Variants in CMPK2 observed in about 807,000 individuals in gnomAD.
The protein encoded by CMPK2 is UMP-CMP kinase 2, mitochondrial.
In CMPK2, 32 loss-of-function variants were observed where a neutral mutation model predicts 33.4. That is an observed-to-expected ratio of 0.96 (90% CI 0.72 to 1.29). CMPK2 has a LOEUF of 1.29. Among genes scored for constraint, CMPK2 ranks in the 50% most tolerant of loss-of-function variants. CMPK2 has a pLI of 0.00. For synonymous variants in CMPK2, 299 were observed against 275.3 expected, an observed-to-expected ratio of 1.09 and a Z score of -0.85; for missense variants, 672 against 616.0, an observed-to-expected ratio of 1.09 and a Z score of -0.96.
upstream of CMPK2, chr2:6,866,438 T>A: frequency 1.0e-6 from 1 of 985,496 alleles, no homozygotes; most frequent in Non-Finnish European, 1.2e-6. Context: ...GTGCACAAGC[T>A]TTTCCCTCTT....
chr2:6,850,124 A>G (rs1662471570), intron 4 of CMPK2, 151 bp from the exon 5 acceptor site: 2 of 597,898 alleles, frequency 3.3e-6, no homozygotes, highest in Non-Finnish European at 5.8e-6. Flanking sequence ...GAAGACGTTC[A>G]TGCATTTTGT....
rs1457287327 is a variant in CMPK2, at chr2:6,851,175, T to A, written c.1226+275A>T. ...TGGGGAAACTGAGGCACAGAGACAC[T>A]TACTGTCTTACCCAGGTGCAGCTGC... On this transcript the variant is annotated intron_variant, in intron 4 of 4. Transcript: ENST00000256722. The A allele has an allele frequency of 1.7e-5, 21 of 1,262,752 alleles. No individual in the cohort carries two copies. The Middle Eastern group carries it at 9.9e-4, about 60-fold the overall frequency. 78.2% of individuals were successfully genotyped at this position (1,262,752 alleles called of 1,614,324 possible).
chr2:6,855,468 C>T (rs1265926511), intron 3 of CMPK2, among the ~76,000 whole-genome samples: 1 of 152,092 alleles, frequency 6.6e-6, no homozygotes, highest in African/African-American at 2.4e-5. Context: ...AACTAAACCT[C>T]TTTTCTTTAT....
downstream of CMPK2, among the ~76,000 whole-genome samples, chr2:6,846,462 T>A (rs528934927): frequency 1.3e-5 from 2 of 152,360 alleles, no homozygotes; most frequent in African/African-American, 4.8e-5. Context: ...ACAACAACTC[T>A]TTGAATTACA....
intron 3 of CMPK2, among the ~76,000 whole-genome samples, chr2:6,851,938 T>C (rs1296327068): frequency 6.6e-6 from 1 of 152,240 alleles, no homozygotes; most frequent in Non-Finnish European, 1.5e-5. Flanking sequence ...TACCATTTAG[T>C]GTGGCCTCCC....
intron 3 of CMPK2, among the ~76,000 whole-genome samples, chr2:6,852,655 C>A: frequency 6.6e-6 from 1 of 152,132 alleles, no homozygotes; most frequent in East Asian, 1.9e-4. Flanking sequence ...TAGGTAATTT[C>A]TTGAGTGGGA....
intron 3 of CMPK2, chr2:6,840,777 T>C (rs1036095500): frequency 1.5e-6 from 1 of 671,180 alleles, no homozygotes; most frequent in African/African-American, 1.8e-5. Flanking sequence ...TTCTGATAAC[T>C]GTTTTAATTC....
At chr2:6,853,275 G>T (rs1219790007) in intron 3 of CMPK2, among the ~76,000 whole-genome samples, 2 of 152,046 alleles carry the variant, frequency 1.3e-5, no homozygotes, top group Non-Finnish European at 2.9e-5. Flanking sequence ...CTAAAATTTT[G>T]ATCATTTTAG....
chr2:6,848,796 T>A lies in CMPK2; in HGVS notation c.*1054A>T, dbSNP rs1449277647. 1 of 985,698 alleles carries A rather than the reference T, an allele frequency of 1.0e-6. No homozygotes were observed. Among genetic ancestry groups the A allele is most frequent in the African/African-American group, 1.7e-5 (1 of 57,256 alleles). 61.1% of individuals were successfully genotyped at this position (985,698 alleles called of 1,614,324 possible). ...TATAATTTCCCCCTCACTCAGCTAC[T>A]TTTTTCTGTCTAAAGATATGTCAAA... On this transcript the variant is annotated 3_prime_UTR_variant, in exon 5 of 5. Coordinates refer to ENST00000256722, the MANE Select transcript of CMPK2 (RefSeq NM_207315.4).
intron 3 of CMPK2, among the ~76,000 whole-genome samples, chr2:6,857,837 G>A (rs1417256252): frequency 5.3e-5 from 8 of 151,710 alleles, no homozygotes; most frequent in Non-Finnish European, 7.4e-5. Flanking sequence ...GGGTTTCACC[G>A]TGTTAGCCAG....
At position 6,865,598 on chromosome 2, in the gene CMPK2, G is replaced by T. The variant is rs1663053907; in HGVS notation, c.99C>A (p.Phe33Leu). The T allele has an allele frequency of 1.4e-6, 2 of 1,394,102 alleles. No homozygotes were observed. The highest frequency in any genetic ancestry group is 1.5e-5 in the South Asian group (1 of 66,070). The allele number at this position is 1,394,102 out of a possible 1,614,324, so 86.4% of individuals were successfully genotyped here. ...GGGTGCAGTCGGGAAGCTCCAGGAC[G>T]AAGCGGCGCGGCGGAGCCATGGCCC... Reference protein sequence around the residue: ...CAGAMAPPRRFVLELPDCTLA... With the variant: ...CAGAMAPPRRLVLELPDCTLA... The change falls in exon 1 of 5, where the codon TTC (phenylalanine) becomes TTA (leucine). Residue 33 changes from phenylalanine (F) to leucine (L), a missense_variant. Phe to Leu is a conservative substitution (Grantham distance 22). Coordinates refer to ENST00000256722, the MANE Select transcript of CMPK2 (RefSeq NM_207315.4).
At chr2:6,851,117 G>A (rs1033194720) in intron 4 of CMPK2, 11 of 1,136,680 alleles carry the variant, frequency 9.7e-6, no homozygotes, top group South Asian at 2.2e-5. Context: ...CTATGAGCTC[G>A]TTATCTAGTG....
In CMPK2 at chr2:6,849,685, A is replaced by C. The variant is rs746862014; in HGVS notation, c.*165T>G. The C allele has an allele frequency of 5.4e-6, 8 of 1,479,374 alleles. No homozygotes were observed. Among genetic ancestry groups the C allele is most frequent in the Non-Finnish European group, 7.1e-6 (8 of 1,126,244 alleles). 91.6% of individuals were successfully genotyped at this position (1,479,374 alleles called of 1,614,324 possible). Reference sequence around the variant, plus strand: ...TTGTGATGACGGGTCCATCAGTCAGAAGAGGGTACGATGGCTGAAGTAAAA... The same window carrying C: ...TTGTGATGACGGGTCCATCAGTCAGCAGAGGGTACGATGGCTGAAGTAAAA... On this transcript the variant is annotated 3_prime_UTR_variant, in exon 5 of 5. Transcript: ENST00000256722.
At chr2:6,856,312 T>C (rs1309077399) in intron 3 of CMPK2, among the ~76,000 whole-genome samples, 2 of 152,190 alleles carry the variant, frequency 1.3e-5, no homozygotes, top group Non-Finnish European at 2.9e-5. Context: ...GTTGCATCTG[T>C]AGGCAGTTTA....
chr2:6,850,936 A>AT (rs1437239067), intron 4 of CMPK2: 7 of 990,838 alleles, frequency 7.1e-6, no homozygotes, highest in African/African-American at 1.7e-5. Flanking sequence ...AATCAGAAAG[A>AT]TTTTAATCCC....
At chr2:6,854,533 A>G (rs1662625699) in intron 3 of CMPK2, among the ~76,000 whole-genome samples, 1 of 152,222 alleles carries the variant, frequency 6.6e-6, no homozygotes, top group South Asian at 2.1e-4. Context: ...ATTCACACAC[A>G]CAAAGAAGAC....
At chr2:6,852,645 T>G (rs541669073) in intron 3 of CMPK2, among the ~76,000 whole-genome samples, 2 of 152,342 alleles carry the variant, frequency 1.3e-5, no homozygotes, top group East Asian at 3.9e-4. Context: ...TCTCCTCCAT[T>G]AGGTAATTTC....
downstream of CMPK2, among the ~76,000 whole-genome samples, chr2:6,844,823 A>G (rs1425576645): frequency 6.6e-6 from 1 of 152,222 alleles, no homozygotes; most frequent in East Asian, 1.9e-4. Context: ...AAGATAAAAC[A>G]CTTACGTTAA....
rs889438291 is a variant in CMPK2 at position 6,864,977 on chromosome 2, G to C, written c.675+45C>G. On this transcript the variant is annotated intron_variant, in intron 1 of 4. Coordinates refer to ENST00000256722, the MANE Select transcript of CMPK2 (RefSeq NM_207315.4). ...CTTGGTCCAGTTCTCTGGTCTGAAG[G>C]GTTCAGATGCCACGCTGGGAGCTGG... 3 of 1,388,722 alleles carry C rather than the reference G, an allele frequency of 2.2e-6. No individual in the cohort carries two copies. The African/African-American group carries it at 4.6e-5, about 21-fold the overall frequency. The allele number at this position is 1,388,722 out of a possible 1,614,324, so 86.0% of individuals were successfully genotyped here.
Sources: gnomAD v4.1 joint callset for allele counts (sites outside exome capture counted in the v4.1 genomes callset) on GRCh38, gnomAD v4.1.1 for gene constraint, MANE v1.5 for transcripts, NCBI Gene and HGNC (gene_info 2026-07-23, HGNC 2026-07-21) for gene names.